The following SPATA46 variants were observed in gnomAD, a reference collection of about 807,000 sequenced individuals.
SPATA46 encodes spermatogenesis-associated protein 46.
A neutral mutation model predicts 6.2 loss-of-function variants in SPATA46; 3 were observed. That is an observed-to-expected ratio of 0.48 (90% CI 0.22 to 1.25). The LOEUF is 1.25. SPATA46 is among the 50% of genes most tolerant of loss of function. SPATA46 has a pLI of 0.20. For missense variants in SPATA46, 308 were observed against 323.5 expected, an observed-to-expected ratio of 0.95 and a Z score of 0.37; for synonymous variants, 117 against 123.3, an observed-to-expected ratio of 0.95 and a Z score of 0.34.
Position 162,376,842 on chromosome 1 carries a change from G to A in SPATA46, c.-52C>T. 1 of 1,596,248 alleles carries A rather than the reference G, an allele frequency of 6.3e-7. No individual in the cohort carries two copies. The highest frequency in any genetic ancestry group is 8.5e-7 in the Non-Finnish European group (1 of 1,172,184). ...ATCACACGCCTGCTCTGGAGAGGCT[G>A]GCTGGTTTGTCCAGAGGATAAACAT... On this transcript the variant is annotated 5_prime_UTR_variant, in exon 1 of 3. Coordinates refer to ENST00000367935, the MANE Select transcript of SPATA46 (RefSeq NM_182581.4).
chr1:162,375,556 C>G (rs910568112), intron 1 of SPATA46, among the ~76,000 whole-genome samples, 153 bp from the exon 2 acceptor site: 1 of 152,168 alleles, frequency 6.6e-6, no homozygotes, highest in Non-Finnish European at 1.5e-5. Flanking sequence ...CCAGGCAGAG[C>G]TATTCTGGAT....
rs201707414 is a variant in SPATA46, at chr1:162,376,765, A to G, written c.26T>C (p.Ile9Thr). The change falls in exon 1 of 3, where the codon ATC becomes ACC. Residue 9 changes from isoleucine to threonine, a missense_variant. Physicochemically the swap from Ile to Thr is moderately conservative, Grantham distance 89. Coordinates refer to ENST00000367935, the MANE Select transcript of SPATA46 (RefSeq NM_182581.4). Reference sequence around the variant, plus strand: ...GGAGGAAGAGATTGGAGGTCCAGAGATGCTGAGGAGTGAGAAGTTCTCCAT... The same window carrying G: ...GGAGGAAGAGATTGGAGGTCCAGAGGTGCTGAGGAGTGAGAAGTTCTCCAT... MENFSLLS[I>T]SGPPISSSAL... is the part of the protein sequence containing the mutation. The G allele has an allele frequency of 6.2e-7, 1 of 1,614,120 alleles. No individual in the cohort carries two copies. Among genetic ancestry groups the G allele is most frequent in the East Asian group, 2.2e-5 (1 of 44,876 alleles).
chr1:162,375,709 G>A (rs2101841458), intron 1 of SPATA46, among the ~76,000 whole-genome samples: 1 of 152,260 alleles, frequency 6.6e-6, no homozygotes, highest in Non-Finnish European at 1.5e-5. Context: ...TCATCACGCG[G>A]ATGGCTTCAC....
Position 162,373,997 on chromosome 1 carries a change from G to A in SPATA46, c.*51C>T. 6.6e-7 allele frequency: 1 copy of A among 1,525,750 alleles called. No individual in the cohort carries two copies. The highest frequency in any genetic ancestry group is 8.8e-7 in the Non-Finnish European group (1 of 1,131,162). The allele number at this position is 1,525,750 out of a possible 1,614,324, so 94.5% of individuals were successfully genotyped here. A position where few individuals can be genotyped will look rare whatever the true frequency, so the allele number is the denominator to read the frequency against. The stretch of plus-strand genomic sequence containing the variant: ...TCTGGGAAGGACAGCAGGCTGTGCG[G>A]GGTGACCTCAGACTGGACAGAAGGC... On this transcript the variant is annotated 3_prime_UTR_variant, in exon 3 of 3. Transcript: ENST00000367935.
Position 162,374,333 on chromosome 1 carries a change from C to T in SPATA46, c.501G>A (p.Gln167=). ...SRHGLDSITS[Q]DILMASRWHP... ...GCCACCTGGAAGCCATTAGGATGTC[C>T]TGGGATGTGATGGAGTCCAGGCCAT... Residue 167 remains glutamine, a synonymous_variant, in exon 3 of 3, where the codon CAG becomes CAA. Transcript: ENST00000367935. The T allele has an allele frequency of 6.2e-7, 1 of 1,614,064 alleles. No individual in the cohort carries two copies. Among genetic ancestry groups the T allele is most frequent in the East Asian group, 2.2e-5 (1 of 44,868 alleles).
In SPATA46 at chr1:162,374,057, T is replaced by C. The variant is rs754903750; in HGVS notation, c.777A>G (p.Leu259=). The C allele has an allele frequency of 1.2e-5, 20 of 1,604,882 alleles. No individual in the cohort carries two copies. Among genetic ancestry groups the C allele is most frequent in the Non-Finnish European group, 1.7e-5 (20 of 1,175,280 alleles). ...HLRQIGGEAY[L]CL ...CTTTATTGGCATCTCTCTAGAGACA[T>C]AAGTAGGCTTCACCGCCAATTTGCC... Residue 259 remains leucine (L), a synonymous_variant, in exon 3 of 3, where the codon TTA becomes TTG. Transcript: ENST00000367935.
At chr1:162,376,428 T>A in intron 1 of SPATA46, 1 of 388,020 alleles carries the variant, frequency 2.6e-6, no homozygotes, top group Non-Finnish European at 4.8e-6. Flanking sequence ...ATCACATCAT[T>A]GCACTCCAGC....
At position 162,376,758 on chromosome 1, in the gene SPATA46, T is replaced by C; in HGVS notation, c.33A>G (p.Gly11=). 6.2e-7 allele frequency: 1 copy of C among 1,613,774 alleles called. No individual in the cohort carries two copies. The highest frequency in any genetic ancestry group is 8.5e-7 in the Non-Finnish European group (1 of 1,179,950). MENFSLLSIS[G]PPISSSALSA... ...TCAGGGCGGAGGAAGAGATTGGAGG[T>C]CCAGAGATGCTGAGGAGTGAGAAGT... Residue 11 remains glycine, a synonymous_variant, in exon 1 of 3, where the codon GGA becomes GGG. Transcript: ENST00000367935.
In SPATA46 at chr1:162,374,328, A is replaced by G. The variant is rs754312637; in HGVS notation, c.506T>C (p.Ile169Thr). 2 of 1,613,792 alleles carry G rather than the reference A, an allele frequency of 1.2e-6. No individual in the cohort carries two copies. Among genetic ancestry groups the G allele is most frequent in the South Asian group, 2.2e-5 (2 of 91,064 alleles). Residue 169 changes from isoleucine (I) to threonine (T), a missense_variant, in exon 3 of 3, where the codon ATC (isoleucine) becomes ACC (threonine). By Grantham distance (89) the Ile-to-Thr change is moderately conservative. Transcript: ENST00000367935. ...HGLDSITSQD[I>T]LMASRWHPAQ... ...TGGGTGCCACCTGGAAGCCATTAGG[A>G]TGTCCTGGGATGTGATGGAGTCCAG...
At position 162,374,026 on chromosome 1, in the gene SPATA46, G is replaced by T; in HGVS notation, c.*22C>A. On this transcript the variant is annotated 3_prime_UTR_variant, in exon 3 of 3. Transcript: ENST00000367935. ...GACCTCAGACTGGACAGAAGGCTGT[G>T]ACTAACTTTATTGGCATCTCTCTAG... is the stretch of plus-strand genomic sequence containing the variant. 1 of 1,568,190 alleles carries T rather than the reference G, an allele frequency of 6.4e-7. No individual in the cohort carries two copies. Among genetic ancestry groups the T allele is most frequent in the South Asian group, 1.2e-5 (1 of 82,720 alleles).
At position 162,374,132 on chromosome 1, in the gene SPATA46, C is replaced by G; in HGVS notation, c.702G>C (p.Arg234Ser). 6.2e-7 allele frequency: 1 copy of G among 1,614,240 alleles called. No homozygotes were observed. Among genetic ancestry groups the G allele is most frequent in the South Asian group, 1.1e-5 (1 of 91,088 alleles). Residue 234 changes from arginine (R) to serine (S), a missense_variant, in exon 3 of 3, where the codon AGG becomes AGC. Coordinates refer to ENST00000367935, the MANE Select transcript of SPATA46 (RefSeq NM_182581.4). ...AGGCCTGGCAGCTGCCGGAGGAGAG[C>G]CTGTCTCCCAGCCGGGCCTTCTGCT... ...SKEQKARLGD[R>S]LSSGSCQAFN...
rs1311087270 is a variant in SPATA46, at chr1:162,373,807, T to A, written c.*241A>T. On this transcript the variant is annotated 3_prime_UTR_variant, in exon 3 of 3. Coordinates refer to ENST00000367935, the MANE Select transcript of SPATA46 (RefSeq NM_182581.4). ...AGTAGGTCTGAGGAGGGCCTGAGAG[T>A]TCCCAGGGGTTGCTGGTACTGCCAG... The A allele has an allele frequency of 9.0e-6, 4 of 445,600 alleles. No homozygotes were observed. Among genetic ancestry groups the A allele is most frequent in the East Asian group, 3.9e-5 (1 of 25,816 alleles). The allele number at this position is 445,600 out of a possible 1,614,324, so 27.6% of individuals were successfully genotyped here. A position where few individuals can be genotyped will look rare whatever the true frequency, so the allele number is the denominator to read the frequency against.
At chr1:162,375,612 G>T (rs1037775932) in intron 1 of SPATA46, among the ~76,000 whole-genome samples, 6 of 152,180 alleles carry the variant, frequency 3.9e-5, no homozygotes, top group African/African-American at 1.2e-4. Flanking sequence ...TCAGGCCTCA[G>T]AAAGATCCTC....
At chr1:162,375,185 C>T (rs962528620) in intron 2 of SPATA46, 105 bp downstream of exon 2, 70 of 973,954 alleles carry the variant, frequency 7.2e-5, no homozygotes, top group African/African-American at 4.3e-4. Flanking sequence ...GACAAGACCG[C>T]GCATGGGGGT....
intron 2 of SPATA46, 63 bp from the exon 3 acceptor site, chr1:162,374,679 G>A: frequency 4.6e-6 from 7 of 1,506,366 alleles, no homozygotes; most frequent in Non-Finnish European, 6.2e-6. Context: ...GGATGCTGGA[G>A]CAGAAAGGTA....
chr1:162,373,956 GTGA>G lies in SPATA46; in HGVS notation c.*89_*91del. On this transcript the variant is annotated 3_prime_UTR_variant, in exon 3 of 3. Transcript: ENST00000367935. ...GTTGCTAGGCAACCATTAGCCAAAG[GTGA>G]TGAGAGCCGGGTTCTGGGAAGGACA... is the stretch of plus-strand genomic sequence containing the variant. The G allele has an allele frequency of 7.5e-7, 1 of 1,325,090 alleles. No individual in the cohort carries two copies. The highest frequency in any genetic ancestry group is 1.0e-6 in the Non-Finnish European group (1 of 964,412). 82.1% of individuals were successfully genotyped at this position (1,325,090 alleles called of 1,614,324 possible). A position where few individuals can be genotyped will look rare whatever the true frequency, so the allele number is the denominator to read the frequency against.
In SPATA46 at chr1:162,375,306, G is replaced by A. The variant is rs560538464; in HGVS notation, c.201C>T (p.Asn67=). 1.9e-6 allele frequency: 3 copies of A among 1,613,826 alleles called. No individual in the cohort carries two copies. The Admixed American group carries it at 5.0e-5, about 27-fold the overall frequency. Residue 67 remains asparagine (N), a synonymous_variant, in exon 2 of 3, where the codon AAC becomes AAT. Coordinates refer to ENST00000367935, the MANE Select transcript of SPATA46 (RefSeq NM_182581.4). The part of the protein sequence containing the change: ...QSIIVRQGIQ[N]TALSPDCSLG... Reference sequence around the variant, plus strand: ...AGTCCTCACCTGGTGAGAGCGCTGTGTTCTGTATCCCTTGCCTGACAATGA... The same window carrying A: ...AGTCCTCACCTGGTGAGAGCGCTGTATTCTGTATCCCTTGCCTGACAATGA...
At chr1:162,376,633 T>C in intron 1 of SPATA46, 55 bp downstream of exon 1, 3 of 1,495,720 alleles carry the variant, frequency 2.0e-6, no homozygotes, top group Non-Finnish European at 2.8e-6. Context: ...GGGTACTCAA[T>C]TAAAAGCTTC....
Position 162,376,807 on chromosome 1 carries a change from G to C in SPATA46, c.-17C>G, listed in dbSNP as rs778277152. The C allele has an allele frequency of 1.2e-6, 2 of 1,612,890 alleles. No individual in the cohort carries two copies. Among genetic ancestry groups the C allele is most frequent in the Non-Finnish European group, 1.7e-6 (2 of 1,179,724 alleles). On this transcript the variant is annotated 5_prime_UTR_variant, in exon 1 of 3. Transcript: ENST00000367935. ...GTTCTCCATATTCTGACCACTGCGG[G>C]GGTACAGAGATCACACGCCTGCTCT... is the stretch of plus-strand genomic sequence containing the variant.
Sources: gnomAD v4.1 joint callset for allele counts (sites outside exome capture counted in the v4.1 genomes callset) on GRCh38, gnomAD v4.1.1 for gene constraint, MANE v1.5 for transcripts, NCBI Gene and HGNC (gene_info 2026-07-23, HGNC 2026-07-21) for gene names.